The following COLGALT2 variants were observed in gnomAD, a reference collection of about 807,000 sequenced individuals.
COLGALT2 encodes the protein collagen beta(1-O)galactosyltransferase 2, also known as procollagen galactosyltransferase 2.
Under a neutral mutation model 73.4 loss-of-function variants are expected in COLGALT2, and 49 were observed. The ratio of observed to expected loss-of-function variants is 0.67; its 90% confidence interval spans 0.53 to 0.85. COLGALT2 has a LOEUF of 0.85. Among genes scored for constraint, COLGALT2 ranks in the 40% least tolerant of loss-of-function variants. The probability of loss-of-function intolerance (pLI) is 0.00; values close to 1 mark genes in which losing one functional copy is unlikely to be tolerated. For synonymous variants in COLGALT2, 295 were observed against 307.6 expected (o/e 0.96, Z 0.43); for missense variants, 722 against 790.2 (o/e 0.91, Z 1.03).
At chr1:183,986,833 C>A (rs1012115716) in intron 1 of COLGALT2, among the ~76,000 whole-genome samples, 114 of 152,228 alleles carry the variant, frequency 7.5e-4, no homozygotes, top group African/African-American at 2.6e-3. Context: ...TCAAGTCATG[C>A]AAATGGTGGG....
intron 1 of COLGALT2, among the ~76,000 whole-genome samples, chr1:183,987,374 A>G (rs1163444176): frequency 2.0e-5 from 3 of 152,168 alleles, no homozygotes. Context: ...TACTAGTTAA[A>G]TGTAGCACTG....
intron 1 of COLGALT2, among the ~76,000 whole-genome samples, chr1:183,992,493 A>G (rs1572662369): frequency 6.6e-6 from 1 of 152,322 alleles, no homozygotes; most frequent in East Asian, 1.9e-4. Flanking sequence ...AGCCATCTTC[A>G]TGCCTCAGAA....
At chr1:183,943,460 A>G (rs1447773502) in intron 10 of COLGALT2, among the ~76,000 whole-genome samples, 1 of 152,000 alleles carries the variant, frequency 6.6e-6, no homozygotes, top group Admixed American at 6.6e-5. Context: ...GAGGAGGCAG[A>G]GGAGGAAGAA....
chr1:183,987,536 T>C (rs1429184910), intron 1 of COLGALT2, among the ~76,000 whole-genome samples: 1 of 152,256 alleles, frequency 6.6e-6, no homozygotes, highest in Non-Finnish European at 1.5e-5. Flanking sequence ...TGCTTGCTCT[T>C]GTGTTATAAT....
intron 8 of COLGALT2, among the ~76,000 whole-genome samples, chr1:183,949,347 T>A (rs1670333680): frequency 6.6e-6 from 1 of 152,192 alleles, no homozygotes; most frequent in African/African-American, 2.4e-5. Context: ...GCTACAGTCA[T>A]CAAGACGGTA....
chr1:184,001,701 C>T (rs937902568), intron 1 of COLGALT2, among the ~76,000 whole-genome samples: 1 of 152,192 alleles, frequency 6.6e-6, no homozygotes, highest in African/African-American at 2.4e-5. Context: ...CCAGCACATT[C>T]GTGTCACACC....
intron 1 of COLGALT2, among the ~76,000 whole-genome samples, chr1:183,988,170 A>G (rs1031186761): frequency 2.6e-5 from 4 of 152,356 alleles, no homozygotes; most frequent in Non-Finnish European, 4.4e-5. Context: ...CAGATTGAGC[A>G]AGATGTAACT....
At chr1:183,985,510 T>G (rs964650822) in intron 1 of COLGALT2, among the ~76,000 whole-genome samples, 7 of 152,142 alleles carry the variant, frequency 4.6e-5, no homozygotes, top group Non-Finnish European at 8.8e-5. Flanking sequence ...GATCCTCAGG[T>G]GATCCACCCG....
chr1:183,987,574 C>T (rs1033206220), intron 1 of COLGALT2, among the ~76,000 whole-genome samples: 2 of 152,234 alleles, frequency 1.3e-5, no homozygotes, highest in African/African-American at 4.8e-5. Flanking sequence ...TTCTTCATTA[C>T]TTGACTTTCT....
At chr1:184,027,449 T>C (rs948071489) in intron 1 of COLGALT2, among the ~76,000 whole-genome samples, 1 of 152,202 alleles carries the variant, frequency 6.6e-6, no homozygotes, top group African/African-American at 2.4e-5. Context: ...CAGAAATCCA[T>C]GTATCTAACA....
At chr1:184,024,514 G>A (rs952849552) in intron 1 of COLGALT2, among the ~76,000 whole-genome samples, 3 of 151,600 alleles carry the variant, frequency 2.0e-5, no homozygotes, top group Non-Finnish European at 2.9e-5. Context: ...CACCACACCC[G>A]GCTAATTTTT....
rs530410496 is a variant in COLGALT2, at chr1:184,000,330, G to A, written c.264-21810C>T. ...TCTTTTCTTAACTTATTGATTGATTGATTGAGATGTTTTCCTCTCATTTTA... is the reference window on the plus strand; with the variant it reads ...TCTTTTCTTAACTTATTGATTGATTAATTGAGATGTTTTCCTCTCATTTTA... On this transcript the variant is annotated intron_variant, in intron 1 of 11. Transcript: ENST00000361927. 2.8e-3 allele frequency among the ~76,000 whole-genome samples: 429 copies of A among 152,028 alleles called. 1 individual carries two copies. The highest frequency in any genetic ancestry group is 9.2e-3 in the African/African-American group (381 of 41,474).
chr1:183,963,108 C>T (rs748412289), intron 6 of COLGALT2, among the ~76,000 whole-genome samples: 5 of 152,202 alleles, frequency 3.3e-5, no homozygotes, highest in Non-Finnish European at 7.3e-5. Flanking sequence ...TTGTACATCA[C>T]ACATAATAAA....
intron 8 of COLGALT2, among the ~76,000 whole-genome samples, chr1:183,950,232 C>T (rs924969177): frequency 6.6e-6 from 1 of 152,122 alleles, no homozygotes; most frequent in Non-Finnish European, 1.5e-5. Context: ...TCCCCTTAAC[C>T]ATCCGTGGGG....
At chr1:183,966,139 A>C (rs1185660388) in intron 5 of COLGALT2, among the ~76,000 whole-genome samples, 1 of 152,186 alleles carries the variant, frequency 6.6e-6, no homozygotes, top group Non-Finnish European at 1.5e-5. Flanking sequence ...TTCATTTCTT[A>C]ATAAACCATG....
chr1:183,930,259 G>A (rs1382304484), exon 12 of COLGALT2: 3 of 456,192 alleles, frequency 6.6e-6, no homozygotes, highest in Non-Finnish European at 8.8e-6. Context: ...AAAGTGTTTG[G>A]AAGAGATGGC....
At chr1:184,009,564 C>G (rs1400241444) in intron 1 of COLGALT2, among the ~76,000 whole-genome samples, 1 of 152,178 alleles carries the variant, frequency 6.6e-6, no homozygotes, top group Non-Finnish European at 1.5e-5. Flanking sequence ...CTTACTTCCT[C>G]TAAACCTCAA....
intron 2 of COLGALT2, 64 bp from the exon 3 acceptor site, chr1:183,975,278 GT>G: frequency 1.1e-6 from 1 of 917,308 alleles, no homozygotes; most frequent in Non-Finnish European, 1.7e-6. Flanking sequence ...TGTCCTAAAT[GT>G]TTATATGTAT....
chr1:183,932,190 A>C (rs1397172666), downstream of COLGALT2, among the ~76,000 whole-genome samples: 1 of 152,164 alleles, frequency 6.6e-6, no homozygotes, highest in African/African-American at 2.4e-5. Context: ...ATTATCCCCC[A>C]GCAGCTTGGA....
Sources: allele counts gnomAD v4.1 joint callset (sites outside exome capture counted in the v4.1 genomes callset), GRCh38; gene constraint gnomAD v4.1.1; transcripts MANE v1.5; gene names NCBI Gene and HGNC (gene_info 2026-07-23, HGNC 2026-07-21).